The following SERAC1 variants were observed in gnomAD, a reference collection of about 807,000 sequenced individuals.
SERAC1 encodes protein SERAC1.
Under a neutral mutation model 85.7 loss-of-function variants are expected in SERAC1, and 36 were observed. The ratio of observed to expected loss-of-function variants is 0.42; its 90% CI spans 0.32 to 0.55. The LOEUF is 0.55. Among genes scored for constraint, SERAC1 ranks in the 20% least tolerant of loss-of-function variants. SERAC1 has a pLI of 0.11. For synonymous variants in SERAC1, 242 were observed against 265.3 expected (o/e 0.91, Z 0.85); for missense variants, 629 against 796.2 (o/e 0.79, Z 2.53).
chr6:158,117,696 T>C lies in SERAC1; in HGVS notation c.1403+31A>G, dbSNP rs754700376. ...TAAACTTGCGGCCTGAATTCTTCCC[T>C]GTCCTCCTGGTCTAAAGTCGCCTCT... On this transcript the variant is annotated intron_variant, in intron 13 of 16. Coordinates refer to ENST00000647468, the MANE Select transcript of SERAC1 (RefSeq NM_032861.4). The surrounding 1 kb of genome is among the most constrained non-coding windows in gnomAD (Gnocchi z 4.3). 3.0e-5 allele frequency: 49 copies of C among 1,612,438 alleles called. 1 individual carries two copies. The highest frequency in any genetic ancestry group is 2.3e-4 in the South Asian group (21 of 91,034).
intron 7 of SERAC1, 143 bp from the exon 8 acceptor site, chr6:158,143,327 CTCTCTCTCTCTCTCTCTCTCTA>C (rs1278549449): frequency 5.3e-4 from 109 of 206,356 alleles, no homozygotes; most frequent in African/African-American, 2.3e-3. Flanking sequence ...CTCTCTCTCT[CTCTCTCTCTCTCTCTCTCTCTA>C]TATATATATA....
chr6:158,146,292 T>A, intron 6 of SERAC1: 1 of 152,590 alleles, frequency 6.6e-6, no homozygotes. Context: ...GCAGGCTTTC[T>A]ACTTTCCGTA....
intron 8 of SERAC1, among the ~76,000 whole-genome samples, chr6:158,131,687 A>T (rs1263756190): frequency 3.9e-5 from 6 of 152,062 alleles, no homozygotes; most frequent in Non-Finnish European, 8.8e-5. Context: ...ACAACCTGGC[A>T]TCGGTGATCA....
Position 158,111,498 on chromosome 6 carries a change from T to C in SERAC1, c.1833A>G (p.Leu611=). Residue 611 remains leucine (L), a synonymous_variant, in exon 17 of 17, where the codon TTA becomes TTG. Coordinates refer to ENST00000647468, the MANE Select transcript of SERAC1 (RefSeq NM_032861.4). ...CCACAGGAATTAGATCTCCAATGCC[T>C]AAATCTGAAGAAAATAAAAAAGTCA... ...LHVVPVESAD[L]GIGDLIPVDV... 6.3e-7 allele frequency: 1 copy of C among 1,582,366 alleles called. No homozygotes were observed. Among genetic ancestry groups the C allele is most frequent in the Non-Finnish European group, 8.5e-7 (1 of 1,169,850 alleles).
intron 1 of SERAC1, among the ~76,000 whole-genome samples, chr6:158,167,288 C>G (rs1425108116): frequency 6.9e-6 from 1 of 145,318 alleles, no homozygotes; most frequent in African/African-American, 2.6e-5. Flanking sequence ...CCTGTAATCG[C>G]AGCACTCTGG....
At chr6:158,149,483 A>G (rs1420232682) in intron 4 of SERAC1, among the ~76,000 whole-genome samples, 1 of 152,250 alleles carries the variant, frequency 6.6e-6, no homozygotes, top group East Asian at 1.9e-4. Context: ...GGGAAAAGTA[A>G]AAACAAAAAC....
chr6:158,137,965 G>T (rs140355368), intron 8 of SERAC1, among the ~76,000 whole-genome samples: 6 of 152,318 alleles, frequency 3.9e-5, no homozygotes, highest in African/African-American at 9.6e-5. Flanking sequence ...ATGGGTAGGG[G>T]AGGGTGGTGG....
chr6:158,147,363 T>C (rs972491001), intron 5 of SERAC1, among the ~76,000 whole-genome samples: 20 of 151,874 alleles, frequency 1.3e-4, no homozygotes, highest in Admixed American at 3.9e-4. Flanking sequence ...TCAATGTGTG[T>C]GCTTTTGTTT....
At chr6:158,125,450 T>C (rs530287002) in intron 10 of SERAC1, among the ~76,000 whole-genome samples, 1 of 152,310 alleles carries the variant, frequency 6.6e-6, no homozygotes, top group East Asian at 1.9e-4. Flanking sequence ...AACCTTGATC[T>C]TGAACTTCCC....
At chr6:158,142,327 ATTTT>A (rs910288983) in intron 8 of SERAC1, among the ~76,000 whole-genome samples, 3 of 150,858 alleles carry the variant, frequency 2.0e-5, no homozygotes, top group African/African-American at 7.3e-5. Flanking sequence ...TGTCCAGCTA[ATTTT>A]TTTTTAATGT....
intron 2 of SERAC1, among the ~76,000 whole-genome samples, chr6:158,155,844 C>G (rs1262133841): frequency 2.0e-5 from 3 of 152,088 alleles, no homozygotes; most frequent in Non-Finnish European, 2.9e-5. Flanking sequence ...GTACGTAGCC[C>G]CATTTAAAAT....
intron 2 of SERAC1, among the ~76,000 whole-genome samples, chr6:158,156,829 A>G (rs934275441): frequency 3.0e-5 from 4 of 133,732 alleles, no homozygotes; most frequent in African/African-American, 1.1e-4. Context: ...ATATATTAAT[A>G]TATTATATAA....
rs1363446378 is a variant in SERAC1, at chr6:158,146,765, T to C, written c.487+17A>G. 1 of 1,612,694 alleles carries C rather than the reference T, an allele frequency of 6.2e-7. No homozygotes were observed. The highest frequency in any genetic ancestry group is 8.5e-7 in the Non-Finnish European group (1 of 1,179,110). ...AGCCAGCTGAAGGCATGCCACCTGT[T>C]CAGGTAGTCTCATTACCATGCCAGT... On this transcript the variant is annotated intron_variant, in intron 6 of 16. Coordinates refer to ENST00000647468, the MANE Select transcript of SERAC1 (RefSeq NM_032861.4).
intron 8 of SERAC1, among the ~76,000 whole-genome samples, chr6:158,135,399 C>T (rs1391061188): frequency 2.0e-5 from 3 of 151,868 alleles, no homozygotes; most frequent in East Asian, 1.9e-4. Flanking sequence ...GGCATGGTGG[C>T]GGATATGCCT....
intron 14 of SERAC1, among the ~76,000 whole-genome samples, chr6:158,115,552 C>T (rs1784266607): frequency 6.6e-6 from 1 of 152,224 alleles, no homozygotes; most frequent in Non-Finnish European, 1.5e-5. Flanking sequence ...CAAAAATCCC[C>T]ACCTCAGAGG....
rs760236480 is a variant in SERAC1 at position 158,120,581 on chromosome 6, G to A, written c.1016-6C>T. 4 of 1,613,354 alleles carry A rather than the reference G, an allele frequency of 2.5e-6. No individual in the cohort carries two copies. In the African/African-American group the frequency reaches 5.3e-5, roughly 22 times the overall value. ...TGCCATGATGGAAACCCAGCCTGGTGAAAAGTACACATATCCTAAATACTG... is the reference window on the plus strand; with the variant it reads ...TGCCATGATGGAAACCCAGCCTGGTAAAAAGTACACATATCCTAAATACTG... On this transcript the variant is annotated splice_polypyrimidine_tract_variant and splice_region_variant and intron_variant, in intron 10 of 16. Coordinates refer to ENST00000647468, the MANE Select transcript of SERAC1 (RefSeq NM_032861.4). The surrounding 1 kb of genome is among the most constrained non-coding windows in gnomAD (Gnocchi z 4.4).
chr6:158,167,173 C>T (rs1179387324), intron 1 of SERAC1, among the ~76,000 whole-genome samples: 12 of 132,810 alleles, frequency 9.0e-5, no homozygotes, highest in South Asian at 7.2e-4. Flanking sequence ...AAAGAGGGAA[C>T]TAAATGGAAG....
intron 8 of SERAC1, among the ~76,000 whole-genome samples, chr6:158,135,735 G>A (rs3003561): frequency 0.93 from 141,195 of 152,302 alleles, 65,538 homozygotes; most frequent in East Asian, 1. Flanking sequence ...GAATAGGTCC[G>A]TTAAAATATA....
rs770979191 is a variant in SERAC1, at chr6:158,120,731, C to T, written c.1016-156G>A. On this transcript the variant is annotated intron_variant, in intron 10 of 16. Transcript: ENST00000647468. The surrounding 1 kb of genome is among the most constrained non-coding windows in gnomAD (Gnocchi z 4.4). ...ACTATTCCAACCCCATTCTGCCCTACGATCCTCTGAGACCTGTGGCACAAT... is the reference window on the plus strand; with the variant it reads ...ACTATTCCAACCCCATTCTGCCCTATGATCCTCTGAGACCTGTGGCACAAT... 3.3e-5 allele frequency among the ~76,000 whole-genome samples: 5 copies of T among 152,100 alleles called. No individual in the cohort carries two copies. Among genetic ancestry groups the T allele is most frequent in the Non-Finnish European group, 7.4e-5 (5 of 68,020 alleles).
Sources: gnomAD v4.1 joint callset for allele counts (sites outside exome capture counted in the v4.1 genomes callset) on GRCh38, gnomAD v4.1.1 for gene constraint, Gnocchi (gnomAD v3.1) non-coding constraint, MANE v1.5 for transcripts, NCBI Gene and HGNC (gene_info 2026-07-23, HGNC 2026-07-21) for gene names.